RGS6: variants seen among roughly 807,000 people sequenced by gnomAD.
RGS6 encodes the protein regulator of G-protein signaling 6.
RGS6 carries 30 observed loss-of-function variants against 78.5 expected under a neutral mutation model. That is an observed-to-expected ratio of 0.38 (90% CI 0.29 to 0.52). RGS6 has a LOEUF of 0.52. Ranked by LOEUF, RGS6 falls within the 20% of genes least tolerant of loss-of-function variation. The probability of loss-of-function intolerance (pLI) is 0.85; values close to 1 mark genes in which losing one functional copy is unlikely to be tolerated. For missense variants in RGS6, 495 were observed against 609.7 expected (o/e 0.81, Z 1.98); for synonymous variants, 206 against 206.0 (o/e 1.00, Z 0.00).
intron 3 of RGS6, among the ~76,000 whole-genome samples, chr14:72,395,512 AT>A (rs72292608): frequency 2.6e-5 from 4 of 151,990 alleles, no homozygotes; most frequent in African/African-American, 9.6e-5. Flanking sequence ...CCCTCATATA[AT>A]TTTTTTTACT....
intron 13 of RGS6, among the ~76,000 whole-genome samples, chr14:72,501,948 T>C (rs1050797019): frequency 6.6e-6 from 1 of 152,202 alleles, no homozygotes; most frequent in East Asian, 1.9e-4. Context: ...ATCCGGAATA[T>C]TAGTCAAGCT....
chr14:71,885,685 A>C, the RGS6 span, among the ~76,000 whole-genome samples: 1 of 152,204 alleles, frequency 6.6e-6, no homozygotes, highest in Non-Finnish European at 1.5e-5. Context: ...TGCAAAATTA[A>C]TAATACAGCG....
At chr14:71,987,620 G>A (rs1036915789) in intron 2 of RGS6, among the ~76,000 whole-genome samples, 1 of 152,006 alleles carries the variant, frequency 6.6e-6, no homozygotes, top group South Asian at 2.1e-4. Context: ...GACCTCTGGG[G>A]CTTGATCCTC....
chr14:72,217,591 AG>A (rs1159905646), intron 2 of RGS6, among the ~76,000 whole-genome samples: 1 of 152,192 alleles, frequency 6.6e-6, no homozygotes, highest in Non-Finnish European at 1.5e-5. Flanking sequence ...CATTGTAACC[AG>A]GAATGCAAAT....
chr14:72,078,709 C>T lies in RGS6; in HGVS notation c.84+113834C>T, dbSNP rs988088239. On this transcript the variant is annotated intron_variant, in intron 2 of 17. Transcript: ENST00000553525. ...CTGGGATTACAGGCGTGAGCCACTG[C>T]GCCCGGCCAGGTATTTCTTTATAGC... 7.9e-5 allele frequency among the ~76,000 whole-genome samples: 12 copies of T among 152,274 alleles called. No homozygotes were observed. The South Asian group carries it at 1.0e-3, about 13-fold the overall frequency.
chr14:72,356,693 C>T (rs1470794014), intron 3 of RGS6, among the ~76,000 whole-genome samples: 2 of 152,144 alleles, frequency 1.3e-5, no homozygotes. Flanking sequence ...CTATGCTGTT[C>T]TCATGATGGT....
At chr14:72,186,616 A>C (rs886342682) in intron 2 of RGS6, among the ~76,000 whole-genome samples, 16 of 152,066 alleles carry the variant, frequency 1.1e-4, no homozygotes, top group Admixed American at 1.0e-3. Context: ...TACTGGGGAC[A>C]ATTTGACCTG....
At chr14:72,241,351 C>G (rs573168343) in intron 2 of RGS6, among the ~76,000 whole-genome samples, 1 of 152,260 alleles carries the variant, frequency 6.6e-6, no homozygotes, top group African/African-American at 2.4e-5. Flanking sequence ...TACTTTAAAT[C>G]CTTTTCTGTC....
chr14:72,164,871 T>G (rs2096903107), intron 2 of RGS6, among the ~76,000 whole-genome samples: 1 of 152,240 alleles, frequency 6.6e-6, no homozygotes, highest in African/African-American at 2.4e-5. Flanking sequence ...GAGTTATTTT[T>G]CCGCAGACTT....
chr14:72,009,577 A>G (rs917632830), intron 2 of RGS6, among the ~76,000 whole-genome samples: 17 of 152,344 alleles, frequency 1.1e-4, no homozygotes, highest in Admixed American at 6.5e-4. Context: ...AATCCTAGCT[A>G]TGAATAATAT....
intron 2 of RGS6, among the ~76,000 whole-genome samples, chr14:72,139,432 C>T (rs181073034): frequency 1.1e-4 from 17 of 152,328 alleles, no homozygotes; most frequent in African/African-American, 3.8e-4. Flanking sequence ...GGGCACAACC[C>T]ACTTTCTGCT....
At chr14:72,406,549 T>C (rs1327997621) in intron 3 of RGS6, among the ~76,000 whole-genome samples, 1 of 152,060 alleles carries the variant, frequency 6.6e-6, no homozygotes, top group African/African-American at 2.4e-5. Context: ...TCGTCAATTG[T>C]TTATGAAGGG....
intron 1 of RGS6, among the ~76,000 whole-genome samples, chr14:71,954,558 G>A (rs944126482): frequency 6.6e-6 from 1 of 152,056 alleles, no homozygotes; most frequent in African/African-American, 2.4e-5. Flanking sequence ...ATCCCCTCAA[G>A]CATTTCTCCT....
downstream of RGS6, among the ~76,000 whole-genome samples, chr14:72,571,374 T>A (rs950491718): frequency 3.3e-5 from 5 of 152,188 alleles, no homozygotes; most frequent in Non-Finnish European, 7.4e-5. Context: ...CCTTGCTGTG[T>A]GTGCTGAAAG....
chr14:72,117,170 A>G (rs545770498), intron 2 of RGS6, among the ~76,000 whole-genome samples: 3 of 152,228 alleles, frequency 2.0e-5, no homozygotes, highest in South Asian at 4.2e-4. Flanking sequence ...GCATGTTGAA[A>G]TAGCAAAAAG....
chr14:72,295,216 G>A (rs1364375155), intron 2 of RGS6, among the ~76,000 whole-genome samples: 5 of 150,794 alleles, frequency 3.3e-5, no homozygotes, highest in African/African-American at 7.3e-5. Flanking sequence ...GCGTGAACCC[G>A]GGAGGCGGAG....
chr14:72,209,156 G>T (rs1660862563), intron 2 of RGS6, among the ~76,000 whole-genome samples: 1 of 152,100 alleles, frequency 6.6e-6, no homozygotes, highest in Admixed American at 6.5e-5. Context: ...TGGGAGGATT[G>T]CTTGAGCCTA....
intron 2 of RGS6, among the ~76,000 whole-genome samples, chr14:72,185,518 A>G (rs963830962): frequency 6.6e-6 from 1 of 152,234 alleles, no homozygotes; most frequent in Non-Finnish European, 1.5e-5. Flanking sequence ...TCAATATTTA[A>G]TATCACAAAA....
chr14:72,291,755 C>A (rs1298323904), intron 2 of RGS6, among the ~76,000 whole-genome samples: 4 of 152,124 alleles, frequency 2.6e-5, no homozygotes, highest in Non-Finnish European at 5.9e-5. Context: ...CTCATCACAT[C>A]ACAATAGCAA....
Sources: gnomAD v4.1 joint callset for allele counts (sites outside exome capture counted in the v4.1 genomes callset) on GRCh38, gnomAD v4.1.1 for gene constraint, MANE v1.5 for transcripts, NCBI Gene and HGNC (gene_info 2026-07-23, HGNC 2026-07-21) for gene names.